The following RECQL variants were observed in gnomAD, a reference collection of about 807,000 sequenced individuals.
The protein encoded by RECQL is RecQ like helicase.
Under a neutral mutation model 75.8 loss-of-function variants are expected in RECQL, and 73 were observed. The observed-to-expected ratio is 0.96, with a 90% CI of 0.80 to 1.17. The LOEUF is 1.17. Among genes scored for constraint, RECQL ranks in the 50% most tolerant of loss-of-function variants. The pLI is 0.00. For missense variants in RECQL, 699 were observed against 772.1 expected, an observed-to-expected ratio of 0.91 and a Z score of 1.12; for synonymous variants, 248 against 254.4, an observed-to-expected ratio of 0.97 and a Z score of 0.24.
rs1392703654 is a variant in RECQL, at chr12:21,469,419, T to G, written c.*775A>C. The G allele has an allele frequency of 2.0e-5, 3 of 151,874 alleles. No homozygotes were observed. The highest frequency in any genetic ancestry group is 7.3e-5 in the African/African-American group (3 of 41,364). The allele number at this position is 151,874 out of a possible 1,614,324, so 9.4% of individuals were successfully genotyped here. A position where few individuals can be genotyped will look rare whatever the true frequency, so the allele number is the denominator to read the frequency against. Reference sequence around the variant, plus strand: ...ATCAGCTATCGTCAGTGTTAGCATATTTTATGTGCGGCCCAAGACAATTCT... The same window carrying G: ...ATCAGCTATCGTCAGTGTTAGCATAGTTTATGTGCGGCCCAAGACAATTCT... On this transcript the variant is annotated 3_prime_UTR_variant, in exon 15 of 15. Transcript: ENST00000444129.
rs1350475350 is a variant in RECQL, at chr12:21,468,970, G to A, written c.*1224C>T. 9.7e-6 allele frequency: 4 copies of A among 412,226 alleles called. No individual in the cohort carries two copies. The highest frequency in any genetic ancestry group is 9.6e-5 in the East Asian group (2 of 20,766). 25.5% of individuals were successfully genotyped at this position (412,226 alleles called of 1,614,324 possible). A position where few individuals can be genotyped will look rare whatever the true frequency, so the allele number is the denominator to read the frequency against. On this transcript the variant is annotated 3_prime_UTR_variant, in exon 15 of 15. Coordinates refer to ENST00000444129, the MANE Select transcript of RECQL (RefSeq NM_002907.4). The stretch of plus-strand genomic sequence containing the variant: ...ATATCTTTCCAATACAACACTGACC[G>A]CTTAGATAAAAATCTTAAGTTATTT...
chr12:21,482,427 G>A (rs556543445), intron 6 of RECQL, among the ~76,000 whole-genome samples: 1 of 152,268 alleles, frequency 6.6e-6, no homozygotes, highest in Non-Finnish European at 1.5e-5. Context: ...AATGTATAAA[G>A]GAGTTGAAAT....
In RECQL at chr12:21,486,656, C is replaced by CCTTTTTTTTTTTTTTTTTTTTTTTT. The variant is rs1565571187; in HGVS notation, c.395-72_395-71insAAAAAAAAAAAAAAAAAAAAAAAAG. ...CTCAGAATCAGATGCAAACCATTCACGTTTTTTTTTTTTTTTTTTTTTTTT... is the reference window on the plus strand; with the variant it reads ...CTCAGAATCAGATGCAAACCATTCACCTTTTTTTTTTTTTTTTTTTTTTTTGTTTTTTTTTTTTTTTTTTTTTTTT... On this transcript the variant is annotated intron_variant, in intron 4 of 14. Transcript: ENST00000444129. 1.1e-4 allele frequency: 15 copies of CCTTTTTTTTTTTTTTTTTTTTTTTT among 141,734 alleles called. 7 individuals are homozygous for CCTTTTTTTTTTTTTTTTTTTTTTTT. The highest frequency in any genetic ancestry group is 3.4e-4 in the African/African-American group (5 of 14,764). 8.8% of individuals were successfully genotyped at this position (141,734 alleles called of 1,614,324 possible).
In RECQL at chr12:21,491,494, CAA is replaced by C. The variant is rs140439673; in HGVS notation, c.214+23_214+24del. 0.017 allele frequency: 21,191 copies of C among 1,261,594 alleles called. No individual in the cohort carries two copies. Among genetic ancestry groups the C allele is most frequent in the Admixed American group, 0.027 (831 of 31,080 alleles). The allele number at this position is 1,261,594 out of a possible 1,614,324, so 78.1% of individuals were successfully genotyped here. A position where few individuals can be genotyped will look rare whatever the true frequency, so the allele number is the denominator to read the frequency against. ...AAAATATGAGAAGAAATAAAACTAG[CAA>C]AAAAAAAAAAAAAAAAGTTAACCTT... On this transcript the variant is annotated intron_variant, in intron 3 of 14. Transcript: ENST00000444129.
At chr12:21,481,762 T>C (rs1943196034) in intron 6 of RECQL, among the ~76,000 whole-genome samples, 1 of 152,042 alleles carries the variant, frequency 6.6e-6, no homozygotes, top group Non-Finnish European at 1.5e-5. Flanking sequence ...GGAACACTAA[T>C]ATTTAAAAAG....
chr12:21,471,754 C>T, intron 12 of RECQL, 107 bp from the exon 13 acceptor site: 1 of 794,678 alleles, frequency 1.3e-6, no homozygotes, highest in Admixed American at 2.3e-5. Context: ...TCAATGTGAG[C>T]CACCCTAAAC....
At chr12:21,478,999 A>G (rs796129185) in intron 6 of RECQL, among the ~76,000 whole-genome samples, 4 of 152,232 alleles carry the variant, frequency 2.6e-5, no homozygotes, top group African/African-American at 9.6e-5. Context: ...CCTTTCCACG[A>G]GCTTCCCTTT....
chr12:21,485,879 T>A (rs1943286426), intron 5 of RECQL, among the ~76,000 whole-genome samples: 1 of 152,150 alleles, frequency 6.6e-6, no homozygotes, highest in Admixed American at 6.5e-5. Flanking sequence ...TAAAAAAGAA[T>A]AGCTGGGAAA....
At position 21,475,574 on chromosome 12, in the gene RECQL, T is replaced by C. The variant is rs1482722467; in HGVS notation, c.1110A>G (p.Ala370=). 6.2e-7 allele frequency: 1 copy of C among 1,612,106 alleles called. No individual in the cohort carries two copies. Among genetic ancestry groups the C allele is most frequent in the Non-Finnish European group, 8.5e-7 (1 of 1,178,868 alleles). ...CAATTCCCATACCAAATGCAACAGT[T>C]GCCACTACTACCTGAAATATTTTAA... ...WSANEIQVVV[A]TVAFGMGIDK... Residue 370 remains alanine (A), a synonymous_variant, in exon 10 of 15, where the codon GCA becomes GCG. Transcript: ENST00000444129.
chr12:21,484,836 A>C (rs1943259354), intron 5 of RECQL, among the ~76,000 whole-genome samples: 1 of 152,224 alleles, frequency 6.6e-6, no homozygotes, highest in Middle Eastern at 3.4e-3. Context: ...TGGGGAAAGA[A>C]AACCTTAAAA....
chr12:21,471,157 T>G (rs1942948031), intron 13 of RECQL, 59 bp from the exon 14 acceptor site: 3 of 1,476,264 alleles, frequency 2.0e-6, no homozygotes, highest in Admixed American at 5.1e-5. Context: ...GAAAACAAAT[T>G]TATAAAAGAA....
intron 14 of RECQL, 133 bp from the exon 15 acceptor site, chr12:21,470,479 T>C (rs2137308271): frequency 9.6e-7 from 1 of 1,043,244 alleles, no homozygotes; most frequent in East Asian, 2.8e-5. Flanking sequence ...GGTCTAGTTT[T>C]TTATCTACAA....
chr12:21,473,709 G>A, intron 11 of RECQL, 67 bp from the exon 12 acceptor site: 2 of 1,353,582 alleles, frequency 1.5e-6, no homozygotes, highest in Non-Finnish European at 2.1e-6. Flanking sequence ...CTCTATTTCA[G>A]CTTACATAGT....
rs977857067 is a variant in RECQL, at chr12:21,475,830, G to C, written c.950-6C>G. Reference sequence around the variant, plus strand: ...AGAAAAACAATATATGATTCCTGCAGTAAAATATGTGCATTTGTTAGATAG... The same window carrying C: ...AGAAAAACAATATATGATTCCTGCACTAAAATATGTGCATTTGTTAGATAG... On this transcript the variant is annotated splice_polypyrimidine_tract_variant and splice_region_variant and intron_variant, in intron 8 of 14. Coordinates refer to ENST00000444129, the MANE Select transcript of RECQL (RefSeq NM_002907.4). 13 of 1,606,714 alleles carry C rather than the reference G, an allele frequency of 8.1e-6. No individual in the cohort carries two copies. The highest frequency in any genetic ancestry group is 1.1e-5 in the Non-Finnish European group (13 of 1,174,890).
chr12:21,484,329 T>G (rs1292028032), intron 5 of RECQL, among the ~76,000 whole-genome samples: 5 of 152,174 alleles, frequency 3.3e-5, no homozygotes, highest in Non-Finnish European at 7.4e-5. Flanking sequence ...AGGATACAGA[T>G]GTTCTTTTTT....
intron 5 of RECQL, 117 bp downstream of exon 5, chr12:21,486,362 G>GT: frequency 2.3e-6 from 3 of 1,282,824 alleles, no homozygotes; most frequent in Non-Finnish European, 3.0e-6. Context: ...GCAGTAGTTT[G>GT]TAACTCCTGA....
intron 12 of RECQL, 136 bp from the exon 13 acceptor site, chr12:21,471,783 T>C: frequency 3.0e-6 from 2 of 677,472 alleles, no homozygotes; most frequent in South Asian, 3.7e-5. Flanking sequence ...TTAAATGTAT[T>C]CTGAATTAAG....
chr12:21,485,190 C>A (rs1211617168), intron 5 of RECQL, among the ~76,000 whole-genome samples: 1 of 146,808 alleles, frequency 6.8e-6, no homozygotes, highest in African/African-American at 2.5e-5. Flanking sequence ...TTGAGTGATA[C>A]CACAGTAAGT....
chr12:21,479,357 T>G (rs1943148928), intron 6 of RECQL, among the ~76,000 whole-genome samples: 1 of 150,124 alleles, frequency 6.7e-6, no homozygotes, highest in African/African-American at 2.5e-5. Flanking sequence ...GTAATTTTTT[T>G]TTTTTTTTTT....
Sources: allele counts gnomAD v4.1 joint callset (sites outside exome capture counted in the v4.1 genomes callset), GRCh38; gene constraint gnomAD v4.1.1; transcripts MANE v1.5; gene names NCBI Gene and HGNC (gene_info 2026-07-23, HGNC 2026-07-21).